Variants in MEAK7 observed in about 807,000 individuals in gnomAD.
MEAK7 encodes the protein MTOR associated protein MEAK7.
In MEAK7, 68 loss-of-function variants were observed where a neutral mutation model predicts 40.5. That is an observed-to-expected ratio of 1.68 (90% CI 1.38 to 2.06). The LOEUF (loss-of-function observed/expected upper bound fraction) is 2.06, where lower values mean the gene tolerates loss of function less well. Among genes scored for constraint, MEAK7 ranks in the 30% most tolerant of loss-of-function variants. The pLI, the probability that MEAK7 is intolerant of heterozygous loss-of-function variation, is 0.00. For synonymous variants in MEAK7, 338 were observed against 231.9 expected, an observed-to-expected ratio of 1.46 and a Z score of -4.16; for missense variants, 918 against 580.5, an observed-to-expected ratio of 1.58 and a Z score of -5.98.
chr16:84,502,235 G>A (rs572201157), intron 1 of MEAK7, among the ~76,000 whole-genome samples: 3 of 152,200 alleles, frequency 2.0e-5, no homozygotes, highest in Middle Eastern at 3.4e-3. Flanking sequence ...GAGCAGTTTC[G>A]TCCCCCAGGG....
Position 84,478,932 on chromosome 16 carries a change from C to A in MEAK7, c.*981G>T, listed in dbSNP as rs933226798. 6.6e-6 allele frequency: 1 copy of A among 152,210 alleles called. No homozygotes were observed. The highest frequency in any genetic ancestry group is 1.5e-5 in the Non-Finnish European group (1 of 68,044). 9.4% of individuals were successfully genotyped at this position (152,210 alleles called of 1,614,324 possible). A position where few individuals can be genotyped will look rare whatever the true frequency, so the allele number is the denominator to read the frequency against. ...ACTGATTTATGGAATGGACCATATA[C>A]GTATTTATCAACCAAGTTCCCAAAC... On this transcript the variant is annotated 3_prime_UTR_variant, in exon 8 of 8. Transcript: ENST00000343629.
intron 1 of MEAK7, among the ~76,000 whole-genome samples, chr16:84,503,179 G>T (rs1169765084): frequency 6.7e-6 from 1 of 149,798 alleles, no homozygotes; most frequent in Non-Finnish European, 1.5e-5. Context: ...AACAATAACT[G>T]ATAAGTGCAT....
Position 84,480,597 on chromosome 16 carries a change from C to A in MEAK7, c.1189G>T (p.Ala397Ser). ...TTATCAAACTGGAAGTTCTCCTGAG[C>A]CGACAGCTGCGGGCTGTTGTACGTG... ...CTTYNSPQLS[A>S]QENFQFDKME... The change falls in exon 7 of 8, where the codon GCT becomes TCT. Residue 397 changes from alanine (A) to serine (S), a missense_variant. By Grantham distance (99) the Ala-to-Ser change is moderately conservative. Transcript: ENST00000343629. The A allele has an allele frequency of 6.2e-7, 1 of 1,614,054 alleles. No homozygotes were observed. The highest frequency in any genetic ancestry group is 1.1e-5 in the South Asian group (1 of 91,076).
intron 3 of MEAK7, 113 bp from the exon 4 acceptor site, chr16:84,489,535 T>G: frequency 7.9e-7 from 1 of 1,259,916 alleles, no homozygotes; most frequent in Non-Finnish European, 1.1e-6. Context: ...TGGGCCACAA[T>G]GTGGGGAAAG....
chr16:84,497,339 C>G (rs1008029809), intron 2 of MEAK7: 7 of 1,137,578 alleles, frequency 6.2e-6, no homozygotes, highest in Non-Finnish European at 8.0e-6. Context: ...AGTTTTAACT[C>G]CCTGCAAGAT....
intron 3 of MEAK7, among the ~76,000 whole-genome samples, chr16:84,490,498 T>C: frequency 7.3e-6 from 1 of 137,224 alleles, no homozygotes; most frequent in African/African-American, 2.7e-5. Flanking sequence ...AGCCTGAGTT[T>C]GGTTCCTACA....
intron 6 of MEAK7, among the ~76,000 whole-genome samples, chr16:84,481,405 A>G (rs1009965934): frequency 1.3e-5 from 2 of 152,202 alleles, no homozygotes; most frequent in African/African-American, 4.8e-5. Context: ...CTCAGGGCCA[A>G]TGACGAGCGA....
rs1912317349 is a variant in MEAK7 at position 84,479,491 on chromosome 16, GCCAGCGGAA to G, written c.*413_*421del. ...CCTAATGCCAGCGGAATTCCCTAAT[GCCAGCGGAA>G]TTCCCTAATGCCAGCGGAATTCCCT... is the stretch of plus-strand genomic sequence containing the variant. On this transcript the variant is annotated 3_prime_UTR_variant, in exon 8 of 8. Coordinates refer to ENST00000343629, the MANE Select transcript of MEAK7 (RefSeq NM_020947.4). 3.8e-5 allele frequency: 5 copies of G among 130,690 alleles called. No homozygotes were observed. Among genetic ancestry groups the G allele is most frequent in the South Asian group, 2.5e-4 (1 of 3,948 alleles). 8.1% of individuals were successfully genotyped at this position (130,690 alleles called of 1,614,324 possible).
Position 84,478,489 on chromosome 16 carries a change from A to T in MEAK7, c.*1424T>A, listed in dbSNP as rs1216671475. 1.3e-5 allele frequency: 2 copies of T among 152,262 alleles called. No individual in the cohort carries two copies. Among genetic ancestry groups the T allele is most frequent in the African/African-American group, 4.8e-5 (2 of 41,452 alleles). 9.4% of individuals were successfully genotyped at this position (152,262 alleles called of 1,614,324 possible). ...TAATCAAGGCAAACTATACAATAAG[A>T]GGTTGTATTTTCATCAGATCTGCAA... is the stretch of plus-strand genomic sequence containing the variant. On this transcript the variant is annotated 3_prime_UTR_variant, in exon 8 of 8. Coordinates refer to ENST00000343629, the MANE Select transcript of MEAK7 (RefSeq NM_020947.4).
At chr16:84,493,870 C>CT (rs1881503913) in intron 3 of MEAK7, among the ~76,000 whole-genome samples, 1 of 152,118 alleles carries the variant, frequency 6.6e-6, no homozygotes, top group Admixed American at 6.5e-5. Context: ...TCACACTGTC[C>CT]TTTACAGGGT....
intron 6 of MEAK7, 116 bp downstream of exon 6, chr16:84,482,476 C>T: frequency 9.9e-6 from 15 of 1,514,614 alleles, no homozygotes; most frequent in East Asian, 2.3e-5. Context: ...ACATGGCGTG[C>T]GTGAGGAACT....
At chr16:84,500,654 C>T (rs1914422742) in intron 1 of MEAK7, among the ~76,000 whole-genome samples, 1 of 152,126 alleles carries the variant, frequency 6.6e-6, no homozygotes, top group Admixed American at 6.6e-5. Flanking sequence ...CTGATCTCAC[C>T]GCTTCCACTC....
At chr16:84,501,760 A>G (rs72808609) in intron 1 of MEAK7, among the ~76,000 whole-genome samples, 14,438 of 152,208 alleles carry the variant, frequency 0.095, 1,791 homozygotes, top group African/African-American at 0.29. Context: ...CAGCACTGCC[A>G]TTCTTAGTAC....
At chr16:84,490,914 G>A (rs1158852819) in intron 3 of MEAK7, among the ~76,000 whole-genome samples, 1 of 152,088 alleles carries the variant, frequency 6.6e-6, no homozygotes, top group Non-Finnish European at 1.5e-5. Flanking sequence ...TCGTTTCTGA[G>A]AGAAATTTGT....
rs1382206644 is a variant in MEAK7 at position 84,477,250 on chromosome 16, G to A, written c.*2663C>T. Reference sequence around the variant, plus strand: ...CTTGTTGCCCAGGCTAGAGTGCAATGGCACGATCTCGGCTCACCACAACCT... The same window carrying A: ...CTTGTTGCCCAGGCTAGAGTGCAATAGCACGATCTCGGCTCACCACAACCT... On this transcript the variant is annotated 3_prime_UTR_variant, in exon 8 of 8. Coordinates refer to ENST00000343629, the MANE Select transcript of MEAK7 (RefSeq NM_020947.4). 1 of 152,342 alleles carries A rather than the reference G, an allele frequency of 6.6e-6. No homozygotes were observed. Among genetic ancestry groups the A allele is most frequent in the Non-Finnish European group, 1.5e-5 (1 of 68,418 alleles). The allele number at this position is 152,342 out of a possible 1,614,324, so 9.4% of individuals were successfully genotyped here. A position where few individuals can be genotyped will look rare whatever the true frequency, so the allele number is the denominator to read the frequency against.
At chr16:84,491,267 G>C (rs1429141951) in intron 3 of MEAK7, among the ~76,000 whole-genome samples, 4 of 152,100 alleles carry the variant, frequency 2.6e-5, no homozygotes, top group Non-Finnish European at 4.4e-5. Context: ...TGGTGAAACT[G>C]TATCTCTAAA....
chr16:84,493,078 C>A (rs1483148941), intron 3 of MEAK7, among the ~76,000 whole-genome samples: 1 of 152,134 alleles, frequency 6.6e-6, no homozygotes, highest in Admixed American at 6.5e-5. Flanking sequence ...CATCTTTGGA[C>A]CACATTTATG....
intron 4 of MEAK7, chr16:84,487,335 T>C (rs75051481): frequency 6.7e-6 from 1 of 148,914 alleles, no homozygotes; most frequent in Non-Finnish European, 1.8e-5. Context: ...AGTTTTCCCC[T>C]GTTTCTCTTT....
At chr16:84,496,007 G>A in intron 2 of MEAK7, 94 bp from the exon 3 acceptor site, 1 of 1,360,928 alleles carries the variant, frequency 7.3e-7, no homozygotes, top group Non-Finnish European at 1.0e-6. Flanking sequence ...AGAGGAAAAG[G>A]GGTCCTTGGG....
Sources: gnomAD v4.1 joint callset for allele counts (sites outside exome capture counted in the v4.1 genomes callset) on GRCh38, gnomAD v4.1.1 for gene constraint, MANE v1.5 for transcripts, NCBI Gene and HGNC (gene_info 2026-07-23, HGNC 2026-07-21) for gene names.